Variants in ASTN2 observed in about 807,000 individuals in gnomAD.
The protein encoded by ASTN2 is astrotactin-2.
ASTN2 carries 54 observed loss-of-function variants against 139.8 expected under a neutral mutation model. That is an observed-to-expected ratio of 0.39 (90% confidence interval 0.31 to 0.48). ASTN2 has a LOEUF of 0.48. Ranked by LOEUF, ASTN2 falls within the 20% of genes least tolerant of loss-of-function variation. The pLI is 0.95. For missense variants in ASTN2, 1,565 were observed against 1,725.1 expected, an observed-to-expected ratio of 0.91 and a Z score of 1.64; for synonymous variants, 756 against 719.5, an observed-to-expected ratio of 1.05 and a Z score of -0.81.
rs768338140 is a variant in ASTN2, at chr9:117,414,484, C to G, written c.442+13G>C. On this transcript the variant is annotated intron_variant, in intron 1 of 22. Transcript: ENST00000313400. This position sits in a 1 kb window ranked among gnomAD's most constrained non-coding sequence, Gnocchi z 4.2. ...TTCCTTGGGATCTAGCGCGTGCCGG[C>G]GCCCAGCCTTACCCAGGGTGAAGAA... 1 of 1,607,660 alleles carries G rather than the reference C, an allele frequency of 6.2e-7. No homozygotes were observed. Among genetic ancestry groups the G allele is most frequent in the Non-Finnish European group, 8.5e-7 (1 of 1,177,488 alleles).
chr9:116,707,788 T>C (rs573754959), intron 16 of ASTN2, among the ~76,000 whole-genome samples: 1 of 152,196 alleles, frequency 6.6e-6, no homozygotes, highest in Non-Finnish European at 1.5e-5. Flanking sequence ...AGCCTTAATA[T>C]TGGGCTTCAA....
intron 2 of ASTN2, among the ~76,000 whole-genome samples, chr9:117,241,488 G>T (rs1195569073): frequency 6.6e-6 from 1 of 152,180 alleles, no homozygotes; most frequent in African/African-American, 2.4e-5. Flanking sequence ...CTTATGGGGG[G>T]CCTGTGGTTA....
At chr9:116,971,077 T>C (rs896169013) in intron 10 of ASTN2, among the ~76,000 whole-genome samples, 4 of 152,160 alleles carry the variant, frequency 2.6e-5, no homozygotes, top group Non-Finnish European at 5.9e-5. Flanking sequence ...GTGGGCTGTA[T>C]TTATCTCTGT....
intron 10 of ASTN2, among the ~76,000 whole-genome samples, chr9:116,900,382 T>A (rs1429411553): frequency 2.0e-5 from 3 of 152,212 alleles, no homozygotes; most frequent in Non-Finnish European, 4.4e-5. Flanking sequence ...TTGTCATTTT[T>A]TTCAGGGGTG....
At chr9:116,796,915 G>C (rs1299178751) in intron 13 of ASTN2, among the ~76,000 whole-genome samples, 2 of 151,944 alleles carry the variant, frequency 1.3e-5, no homozygotes, top group Non-Finnish European at 2.9e-5. Context: ...GGGCTCTAGT[G>C]ATCCTCCCAC....
intron 3 of ASTN2, chr9:117,181,201 A>G: frequency 1.6e-6 from 1 of 637,694 alleles, no homozygotes; most frequent in South Asian, 1.8e-5. Flanking sequence ...TTGGCTGCAG[A>G]TGATCTGGAG....
At chr9:117,237,088 C>T (rs117349626) in intron 2 of ASTN2, among the ~76,000 whole-genome samples, 1 of 152,290 alleles carries the variant, frequency 6.6e-6, no homozygotes, top group Non-Finnish European at 1.5e-5. Flanking sequence ...CTGCCAGCCC[C>T]TGCCCTACCC....
intron 1 of ASTN2, among the ~76,000 whole-genome samples, chr9:117,357,146 T>C (rs982513992): frequency 6.6e-6 from 1 of 152,210 alleles, no homozygotes; most frequent in Admixed American, 6.5e-5. Flanking sequence ...CCAGGGCTCA[T>C]AGTCCTTTCA....
rs537141918 is a variant in ASTN2 at position 117,399,882 on chromosome 9, T to C, written c.442+14615A>G. ...TGAGGCATTGCATTGAGAAAGAATC[T>C]CAGGCTATCATTAAATGATTGATTA... On this transcript the variant is annotated intron_variant, in intron 1 of 22. Transcript: ENST00000313400. Among the ~76,000 whole-genome samples the C allele has an allele frequency of 2.9e-3, 446 of 152,356 alleles. 8 individuals are homozygous for C. In the South Asian group the frequency reaches 0.031, roughly 11 times the overall value.
Position 116,861,609 on chromosome 9 carries a change from C to T in ASTN2, c.2040+1974G>A, listed in dbSNP as rs548376626. 8.8e-4 allele frequency among the ~76,000 whole-genome samples: 134 copies of T among 152,326 alleles called. 2 individuals carry two copies. Among genetic ancestry groups the T allele is most frequent in the Non-Finnish European group, 3.4e-4 (23 of 68,026 alleles). On this transcript the variant is annotated intron_variant, in intron 11 of 22. Transcript: ENST00000313400. ...CAGCACCCCAGTTTTTCTTGAGAGTCTATGCCTTCCCCCATCTCAGGGCCA... is the reference window on the plus strand; with the variant it reads ...CAGCACCCCAGTTTTTCTTGAGAGTTTATGCCTTCCCCCATCTCAGGGCCA...
intron 20 of ASTN2, among the ~76,000 whole-genome samples, chr9:116,485,009 T>C (rs1849293449): frequency 6.6e-6 from 1 of 152,200 alleles, no homozygotes; most frequent in African/African-American, 2.4e-5. Context: ...CCTTCTGTAT[T>C]AGTGAATAGG....
At chr9:117,338,868 A>G (rs773717500) in intron 1 of ASTN2, among the ~76,000 whole-genome samples, 2 of 151,940 alleles carry the variant, frequency 1.3e-5, no homozygotes, top group Non-Finnish European at 2.9e-5. Flanking sequence ...GTCCATGGGA[A>G]CTCTCTTTTC....
At chr9:116,595,531 T>C (rs1013920477) in intron 19 of ASTN2, among the ~76,000 whole-genome samples, 6 of 152,154 alleles carry the variant, frequency 3.9e-5, no homozygotes, top group African/African-American at 1.4e-4. Context: ...TTCACTATGT[T>C]GGCCAGGCTG....
At chr9:116,871,654 T>G (rs1833170585) in intron 10 of ASTN2, among the ~76,000 whole-genome samples, 1 of 152,248 alleles carries the variant, frequency 6.6e-6, no homozygotes, top group African/African-American at 2.4e-5. Context: ...TCATTCCTTT[T>G]GTATTGCCAA....
chr9:117,315,279 T>C (rs1828108520), intron 1 of ASTN2, among the ~76,000 whole-genome samples: 1 of 152,230 alleles, frequency 6.6e-6, no homozygotes, highest in African/African-American at 2.4e-5. Context: ...GAAGGTCTTA[T>C]GTAATTCTCA....
At chr9:116,525,544 C>T (rs897900874) in intron 19 of ASTN2, among the ~76,000 whole-genome samples, 1 of 152,178 alleles carries the variant, frequency 6.6e-6, no homozygotes, top group Non-Finnish European at 1.5e-5. Context: ...TATAATCAAG[C>T]ATCAGATTGA....
intron 2 of ASTN2, among the ~76,000 whole-genome samples, chr9:117,237,943 G>T (rs371950172): frequency 2.0e-5 from 3 of 152,190 alleles, no homozygotes; most frequent in Non-Finnish European, 4.4e-5. Flanking sequence ...CTGCTCTCAG[G>T]CTAGCTCAAC....
chr9:117,128,516 C>A (rs1829756517), intron 4 of ASTN2, among the ~76,000 whole-genome samples: 1 of 151,794 alleles, frequency 6.6e-6, no homozygotes, highest in Non-Finnish European at 1.5e-5. Flanking sequence ...TGCATGACAC[C>A]AGAGCCATAA....
At chr9:116,787,851 A>G (rs1311665749) in intron 13 of ASTN2, among the ~76,000 whole-genome samples, 2 of 152,220 alleles carry the variant, frequency 1.3e-5, no homozygotes, top group Non-Finnish European at 2.9e-5. Context: ...TTTAGGTAAT[A>G]ATAATGTATC....
Sources: allele counts gnomAD v4.1 joint callset (sites outside exome capture counted in the v4.1 genomes callset), GRCh38; gene constraint gnomAD v4.1.1; non-coding constraint Gnocchi (gnomAD v3.1); transcripts MANE v1.5; gene names NCBI Gene and HGNC (gene_info 2026-07-23, HGNC 2026-07-21).